GRIA3: variants seen among roughly 807,000 people sequenced by gnomAD.
GRIA3 encodes glutamate ionotropic receptor AMPA type subunit 3.
A neutral mutation model predicts 63.0 loss-of-function variants in GRIA3; 3 were observed. The observed-to-expected ratio is 0.05, with a 90% CI of 0.02 to 0.12. The LOEUF is 0.12. Among genes scored for constraint, GRIA3 ranks in the 10% least tolerant of loss-of-function variants. The pLI, the probability that GRIA3 is intolerant of heterozygous loss-of-function variation, is 1.00. For missense variants in GRIA3, 347 were observed against 700.9 expected, an observed-to-expected ratio of 0.50 and a Z score of 5.70; for synonymous variants, 274 against 257.9, an observed-to-expected ratio of 1.06 and a Z score of -0.60.
intron 12 of GRIA3, among the ~76,000 whole-genome samples, chrX:123,459,103 C>T (rs1045646764): frequency 9.0e-6 from 1 of 111,456 alleles, no homozygotes; most frequent in Middle Eastern, 4.7e-3. Flanking sequence ...CATTTAATTT[C>T]TCCCAATAAA....
intron 10 of GRIA3, among the ~76,000 whole-genome samples, chrX:123,406,749 A>G (rs1334820156): frequency 3.6e-5 from 4 of 111,370 alleles, no homozygotes; most frequent in African/African-American, 1.3e-4. Flanking sequence ...GATTCAAGTG[A>G]ATCCAGCAGT....
At chrX:123,206,087 G>C (rs1221180143) in intron 2 of GRIA3, among the ~76,000 whole-genome samples, 1 of 111,560 alleles carries the variant, frequency 9.0e-6, no homozygotes, top group Non-Finnish European at 1.9e-5. Flanking sequence ...AATGTTTACT[G>C]ATCTGGAAAA....
chrX:123,352,229 T>C (rs2045100742), intron 4 of GRIA3, among the ~76,000 whole-genome samples: 1 of 111,538 alleles, frequency 9.0e-6, no homozygotes, highest in African/African-American at 3.3e-5. Context: ...TACAGGCATC[T>C]GCCACCACGT....
chrX:123,290,291 C>T (rs1314991726), intron 3 of GRIA3, among the ~76,000 whole-genome samples: 3 of 111,601 alleles, frequency 2.7e-5, no homozygotes, highest in African/African-American at 9.7e-5. Context: ...TGGGTCTGCC[C>T]GAGTTTTTGC....
chrX:123,261,419 T>G (rs2044459573), intron 3 of GRIA3, among the ~76,000 whole-genome samples: 1 of 112,078 alleles, frequency 8.9e-6, no homozygotes, highest in Non-Finnish European at 1.9e-5. Context: ...TATAAAGGTA[T>G]TTTCCATAAG....
chrX:123,306,297 A>G (rs2147318935), intron 3 of GRIA3, among the ~76,000 whole-genome samples: 1 of 111,945 alleles, frequency 8.9e-6, no homozygotes. Context: ...ACGTGCAAAC[A>G]CAAGGCTCAG....
At chrX:123,218,659 C>T (rs1477583079) in intron 2 of GRIA3, among the ~76,000 whole-genome samples, 1 of 111,328 alleles carries the variant, frequency 9.0e-6, no homozygotes, top group Non-Finnish European at 1.9e-5. Flanking sequence ...AATACTGTGA[C>T]CTCAAATTAC....
intron 5 of GRIA3, among the ~76,000 whole-genome samples, chrX:123,377,093 C>A (rs1303483223): frequency 1.8e-5 from 2 of 109,819 alleles, no homozygotes; most frequent in Non-Finnish European, 3.8e-5. Context: ...CGCCACCATG[C>A]CCGGCTAATT....
intron 2 of GRIA3, among the ~76,000 whole-genome samples, chrX:123,253,053 G>A (rs1438381931): frequency 9.0e-6 from 1 of 111,293 alleles, no homozygotes; most frequent in Non-Finnish European, 1.9e-5. Flanking sequence ...GGAGTAAGAC[G>A]ACTTTCACCT....
intron 5 of GRIA3, among the ~76,000 whole-genome samples, chrX:123,379,255 A>T (rs891636603): frequency 9.0e-6 from 1 of 111,700 alleles, no homozygotes. Flanking sequence ...TATGTTTTAT[A>T]GTGTCCTATA....
intron 12 of GRIA3, among the ~76,000 whole-genome samples, chrX:123,464,065 G>A (rs964171894): frequency 1.8e-5 from 2 of 110,921 alleles, no homozygotes; most frequent in Admixed American, 1.9e-4. Context: ...ATGAAGAGAT[G>A]AGAAGGGGAC....
chrX:123,443,555 G>T (rs759520745), intron 12 of GRIA3, among the ~76,000 whole-genome samples: 1 of 111,505 alleles, frequency 9.0e-6, no homozygotes, highest in Non-Finnish European at 1.9e-5. Context: ...TATATCAGGA[G>T]CCTGGAAACT....
At chrX:123,252,616 G>A (rs770824535) in intron 2 of GRIA3, among the ~76,000 whole-genome samples, 1 of 111,403 alleles carries the variant, frequency 9.0e-6, no homozygotes, top group Non-Finnish European at 1.9e-5. Context: ...CTACATGTGG[G>A]CTAGTGGAGT....
intron 12 of GRIA3, among the ~76,000 whole-genome samples, chrX:123,432,449 G>C (rs942154551): frequency 3.6e-5 from 4 of 111,840 alleles, no homozygotes; most frequent in African/African-American, 1.3e-4. Context: ...TTTATGCAAG[G>C]CTCTTGTGTT....
intron 3 of GRIA3, among the ~76,000 whole-genome samples, chrX:123,275,699 A>G (rs1252578864): frequency 8.9e-6 from 1 of 112,171 alleles, no homozygotes; most frequent in Non-Finnish European, 1.9e-5. Flanking sequence ...ACTTAAAGAG[A>G]TCATACATAT....
intron 2 of GRIA3, among the ~76,000 whole-genome samples, chrX:123,211,579 A>G (rs904726862): frequency 1.8e-5 from 2 of 111,734 alleles, no homozygotes; most frequent in African/African-American, 6.5e-5. Flanking sequence ...ACCAAAGAAT[A>G]TATGAATTTG....
chrX:123,412,312 C>G (rs931784066), intron 10 of GRIA3, among the ~76,000 whole-genome samples: 1 of 111,917 alleles, frequency 8.9e-6, no homozygotes, highest in Admixed American at 9.5e-5. Flanking sequence ...TTATGCCAAG[C>G]AGGTCCTATG....
intron 2 of GRIA3, among the ~76,000 whole-genome samples, chrX:123,238,641 G>A (rs757358268): frequency 1.1e-4 from 12 of 111,873 alleles, no homozygotes; most frequent in Non-Finnish European, 3.8e-5. Context: ...TTAATGCTAG[G>A]TCATGACTCA....
intron 2 of GRIA3, among the ~76,000 whole-genome samples, chrX:123,238,965 A>G (rs1480995587): frequency 9.0e-6 from 1 of 110,703 alleles, no homozygotes; most frequent in African/African-American, 3.3e-5. Flanking sequence ...AGAACTCTGT[A>G]TATCTCCAGC....
Sources: allele counts gnomAD v4.1 joint callset (sites outside exome capture counted in the v4.1 genomes callset), GRCh38; gene constraint gnomAD v4.1.1; transcripts MANE v1.5; gene names NCBI Gene and HGNC (gene_info 2026-07-23, HGNC 2026-07-21).